The following GRSF1 variants were observed in gnomAD, a reference collection of about 807,000 sequenced individuals.
GRSF1 encodes the protein G-rich sequence factor 1.
In GRSF1, 50 loss-of-function variants were observed where a neutral mutation model predicts 51.1. That is an observed-to-expected ratio of 0.98 (90% CI 0.78 to 1.24). The LOEUF (loss-of-function observed/expected upper bound fraction) is 1.24, where lower values mean the gene tolerates loss of function less well. Among genes scored for constraint, GRSF1 ranks in the 50% most tolerant of loss-of-function variants. The probability of loss-of-function intolerance (pLI) is 0.00; values close to 1 mark genes in which losing one functional copy is unlikely to be tolerated. For synonymous variants in GRSF1, 293 were observed against 253.3 expected, an observed-to-expected ratio of 1.16 and a Z score of -1.49; for missense variants, 700 against 639.7, an observed-to-expected ratio of 1.09 and a Z score of -1.02.
rs777421866 is a variant in GRSF1 at position 70,832,308 on chromosome 4, T to C, written c.813A>G (p.Ala271=). 1.2e-6 allele frequency: 2 copies of C among 1,612,992 alleles called. No homozygotes were observed. Among genetic ancestry groups the C allele is most frequent in the South Asian group, 1.1e-5 (1 of 91,004 alleles). The change falls in exon 4 of 10, where the codon GCA becomes GCG. Residue 271 remains alanine (A), a splice_region_variant and synonymous_variant. Transcript: ENST00000254799. The part of the protein sequence containing the change: ...CNEKDIVDFF[A]GLNIVDITFV... ...AAGCATAATACAACTGCAAAGTACC[T>C]GCAAAGAAGTCTACAATGTCTTTCT...
intron 2 of GRSF1, among the ~76,000 whole-genome samples, chr4:70,835,399 C>T (rs1734159758): frequency 6.8e-6 from 1 of 147,456 alleles, no homozygotes; most frequent in Non-Finnish European, 1.5e-5. Flanking sequence ...CACTGCACTC[C>T]AGCCTGGCGA....
At chr4:70,824,048 G>A (rs1471191061) in intron 9 of GRSF1, among the ~76,000 whole-genome samples, 2 of 128,636 alleles carry the variant, frequency 1.6e-5, no homozygotes, top group East Asian at 4.9e-4. Context: ...TCAGCTCACT[G>A]CAACCGCTGC....
upstream of GRSF1, among the ~76,000 whole-genome samples, chr4:70,843,198 T>G (rs1338521857): frequency 1.3e-5 from 2 of 152,208 alleles, no homozygotes; most frequent in Non-Finnish European, 2.9e-5. Flanking sequence ...GAAACTAAGT[T>G]TATTTGACCT....
rs550281419 is a variant in GRSF1 at position 70,827,999 on chromosome 4, G to T, written c.988C>A (p.Arg330=). The T allele has an allele frequency of 6.2e-7, 1 of 1,613,418 alleles. No homozygotes were observed. Among genetic ancestry groups the T allele is most frequent in the Non-Finnish European group, 8.5e-7 (1 of 1,179,570 alleles). Residue 330 remains arginine (R), a synonymous_variant, in exon 6 of 10, where the codon CGA becomes AGA. Transcript: ENST00000254799. ...EIFPSRRNEV[R]THVGSYKGKK... is the part of the protein sequence containing the mutation. Reference sequence around the variant, plus strand: ...CCCTTATAAGAACCGACATGTGTTCGAACTTCATTCCTTCTGCTTGGAAAT... The same window carrying T: ...CCCTTATAAGAACCGACATGTGTTCTAACTTCATTCCTTCTGCTTGGAAAT...
In GRSF1 at chr4:70,825,340, T is replaced by C. The variant is rs199887449; in HGVS notation, c.1349A>G (p.His450Arg). Residue 450 changes from histidine to arginine, a missense_variant, in exon 8 of 10, where the codon CAT becomes CGT. His to Arg is a conservative substitution (Grantham distance 29). Transcript: ENST00000254799. ...GAGCATCGCTGCAACAGCATCCTCA[T>C]GGGTCTCAAAGTGCACATCAGCTTC... ...TGEADVHFET[H>R]EDAVAAMLKD... 7.1e-4 allele frequency: 1,145 copies of C among 1,611,614 alleles called. No individual in the cohort carries two copies. Among genetic ancestry groups the C allele is most frequent in the Non-Finnish European group, 9.3e-4 (1,091 of 1,178,208 alleles).
At position 70,819,050 on chromosome 4, in the gene GRSF1, T is replaced by C. The variant is rs955367943; in HGVS notation, c.*1837A>G. The C allele has an allele frequency of 2.0e-5, 3 of 152,224 alleles. No homozygotes were observed. Among genetic ancestry groups the C allele is most frequent in the Non-Finnish European group, 4.4e-5 (3 of 68,040 alleles). The allele number at this position is 152,224 out of a possible 1,614,324, so 9.4% of individuals were successfully genotyped here. On this transcript the variant is annotated 3_prime_UTR_variant, in exon 10 of 10. Coordinates refer to ENST00000254799, the MANE Select transcript of GRSF1 (RefSeq NM_002092.4). Reference sequence around the variant, plus strand: ...AATACATAAAATGATTTCCCAATAATGGCCACATTTTGTACAGAAAACTCA... The same window carrying C: ...AATACATAAAATGATTTCCCAATAACGGCCACATTTTGTACAGAAAACTCA...
intron 1 of GRSF1, 46 bp from the exon 2 acceptor site, chr4:70,836,360 T>G: frequency 7.8e-7 from 1 of 1,283,462 alleles, no homozygotes. Context: ...CATTTACAGG[T>G]AAAAAATGTA....
intron 1 of GRSF1, among the ~76,000 whole-genome samples, chr4:70,837,092 C>G (rs1734244380): frequency 1.3e-5 from 2 of 152,170 alleles, no homozygotes; most frequent in African/African-American, 4.8e-5. Context: ...GGGAATATTC[C>G]TCTGTCAGCT....
intron 9 of GRSF1, among the ~76,000 whole-genome samples, chr4:70,823,968 A>C (rs1431258789): frequency 5.8e-4 from 24 of 41,484 alleles, no homozygotes; most frequent in African/African-American, 1.0e-3. Context: ...CCACAGTTGT[A>C]TCTCTCTCTT....
At chr4:70,834,478 GAAA>G (rs1242082690) in intron 2 of GRSF1, among the ~76,000 whole-genome samples, 2 of 152,004 alleles carry the variant, frequency 1.3e-5, no homozygotes, top group African/African-American at 4.8e-5. Context: ...ATACCACAGA[GAAA>G]AATAATTTCA....
At chr4:70,832,505 C>T (rs1734023875) in intron 3 of GRSF1, 55 bp from the exon 4 acceptor site, 2 of 1,076,158 alleles carry the variant, frequency 1.9e-6, no homozygotes, top group African/African-American at 1.6e-5. Flanking sequence ...AGGAACAAAC[C>T]CATTAAAAAA....
chr4:70,836,198 G>C lies in GRSF1; in HGVS notation c.474C>G (p.Pro158=). Reference sequence around the variant, plus strand: ...GCACATCTTCCATAGTGCATGACCAGGGCAGTCCTTGAGCTCGAATGAGAA... The same window carrying C: ...GCACATCTTCCATAGTGCATGACCACGGCAGTCCTTGAGCTCGAATGAGAA... The part of the protein sequence containing the change: ...DVFLIRAQGL[P]WSCTMEDVLN... The change falls in exon 2 of 10, where the codon CCC becomes CCG. Residue 158 remains proline, a synonymous_variant. Transcript: ENST00000254799. 5.0e-6 allele frequency: 8 copies of C among 1,605,602 alleles called. No individual in the cohort carries two copies. The highest frequency in any genetic ancestry group is 6.8e-6 in the Non-Finnish European group (8 of 1,176,604).
At position 70,836,154 on chromosome 4, in the gene GRSF1, A is replaced by G; in HGVS notation, c.514+4T>C. The G allele has an allele frequency of 2.0e-6, 3 of 1,487,096 alleles. No homozygotes were observed. Among genetic ancestry groups the G allele is most frequent in the Admixed American group, 2.5e-5 (1 of 39,840 alleles). The allele number at this position is 1,487,096 out of a possible 1,614,324, so 92.1% of individuals were successfully genotyped here. A position where few individuals can be genotyped will look rare whatever the true frequency, so the allele number is the denominator to read the frequency against. On this transcript the variant is annotated splice_donor_region_variant and intron_variant, in intron 2 of 9. Transcript: ENST00000254799. ...TAAATAAATAAAACATACATAAAAT[A>G]TACCTGAAAAAAAGTTAAGCACATC...
At chr4:70,837,456 C>T (rs991911797) in intron 1 of GRSF1, among the ~76,000 whole-genome samples, 2 of 144,352 alleles carry the variant, frequency 1.4e-5, no homozygotes, top group African/African-American at 5.1e-5. Flanking sequence ...CCCAGCTACT[C>T]GGGAGGCTGA....
intron 9 of GRSF1, among the ~76,000 whole-genome samples, chr4:70,821,794 G>T (rs1217129482): frequency 6.6e-6 from 1 of 150,932 alleles, no homozygotes; most frequent in Non-Finnish European, 1.5e-5. Flanking sequence ...TCCTGCCTCA[G>T]CCTTCCCAGT....
chr4:70,842,930 C>A (rs1228761552), upstream of GRSF1, among the ~76,000 whole-genome samples: 1 of 152,060 alleles, frequency 6.6e-6, no homozygotes, highest in African/African-American at 2.4e-5. Flanking sequence ...CAAAAGGTCA[C>A]ACGCTCTCTC....
upstream of GRSF1, among the ~76,000 whole-genome samples, chr4:70,840,365 C>T (rs1734421971): frequency 1.3e-5 from 2 of 152,244 alleles, no homozygotes; most frequent in African/African-American, 4.8e-5. Context: ...GTGACTCATT[C>T]TTGTAATCCT....
chr4:70,838,768 T>A lies in GRSF1; in HGVS notation c.357+703A>T, dbSNP rs1578311895. 6.9e-5 allele frequency: 11 copies of A among 158,958 alleles called. No individual in the cohort carries two copies. The South Asian group carries it at 1.8e-3, about 27-fold the overall frequency. 9.8% of individuals were successfully genotyped at this position (158,958 alleles called of 1,614,324 possible). A position where few individuals can be genotyped will look rare whatever the true frequency, so the allele number is the denominator to read the frequency against. Reference sequence around the variant, plus strand: ...AATTCATTCCTGGGACCCCAAGTTGTGTCCTCAACCCTCAACGCTCCCTCC... The same window carrying A: ...AATTCATTCCTGGGACCCCAAGTTGAGTCCTCAACCCTCAACGCTCCCTCC... On this transcript the variant is annotated intron_variant, in intron 1 of 9. Transcript: ENST00000254799.
At chr4:70,835,974 T>C (rs1578308485) in intron 2 of GRSF1, among the ~76,000 whole-genome samples, 184 bp downstream of exon 2, 1 of 152,170 alleles carries the variant, frequency 6.6e-6, no homozygotes, top group South Asian at 2.1e-4. Context: ...TCATTTGGTA[T>C]ATGCAACCAA....
Sources: gnomAD v4.1 joint callset for allele counts (sites outside exome capture counted in the v4.1 genomes callset) on GRCh38, gnomAD v4.1.1 for gene constraint, MANE v1.5 for transcripts, NCBI Gene and HGNC (gene_info 2026-07-23, HGNC 2026-07-21) for gene names.